PPP1R1C: variants seen among roughly 807,000 people sequenced by gnomAD.
PPP1R1C encodes protein phosphatase 1 regulatory inhibitor subunit 1C.
In PPP1R1C, 15 loss-of-function variants were observed where a neutral mutation model predicts 17.4. The ratio of observed to expected loss-of-function variants is 0.86; its 90% CI spans 0.58 to 1.33. The LOEUF is 1.33. Ranked by LOEUF, PPP1R1C falls within the 40% of genes most tolerant of loss-of-function variation. PPP1R1C has a pLI of 0.00. For synonymous variants in PPP1R1C, 35 were observed against 43.1 expected, an observed-to-expected ratio of 0.81 and a Z score of 0.73; for missense variants, 143 against 130.0, an observed-to-expected ratio of 1.10 and a Z score of -0.48.
chr2:182,076,299 A>G (rs1365502235), intron 4 of PPP1R1C, among the ~76,000 whole-genome samples: 3 of 130,026 alleles, frequency 2.3e-5, no homozygotes, highest in Non-Finnish European at 1.5e-5. Context: ...GGTTCACGCC[A>G]TTCTCCTGCC....
intron 1 of PPP1R1C, among the ~76,000 whole-genome samples, chr2:181,973,052 C>T (rs1177968989): frequency 1.3e-5 from 2 of 152,036 alleles, no homozygotes; most frequent in Admixed American, 1.3e-4. Context: ...TATAACAGTT[C>T]AAAATCTCAA....
intron 4 of PPP1R1C, among the ~76,000 whole-genome samples, chr2:182,082,894 G>A (rs1688521744): frequency 6.6e-6 from 1 of 152,076 alleles, no homozygotes; most frequent in Non-Finnish European, 1.5e-5. Context: ...ACTTGGTGGA[G>A]TCTAATAATA....
At chr2:181,983,409 T>A (rs1043625637), upstream of PPP1R1C, among the ~76,000 whole-genome samples, 23 of 152,202 alleles carry the variant, frequency 1.5e-4, no homozygotes, top group African/African-American at 5.1e-4. Context: ...ATAAAGCACT[T>A]AGAATAATTC....
At chr2:182,022,120 T>A (rs993292994) in intron 2 of PPP1R1C, among the ~76,000 whole-genome samples, 1 of 152,112 alleles carries the variant, frequency 6.6e-6, no homozygotes, top group Non-Finnish European at 1.5e-5. Context: ...AGTGTTTACT[T>A]AACTTGTGCT....
At chr2:182,024,999 T>C (rs924463470) in intron 2 of PPP1R1C, among the ~76,000 whole-genome samples, 12 of 148,992 alleles carry the variant, frequency 8.1e-5, no homozygotes, top group African/African-American at 2.5e-4. Context: ...GGGTGAGGAA[T>C]ATACACTAAA....
intron 1 of PPP1R1C, among the ~76,000 whole-genome samples, chr2:181,972,111 G>A (rs1685021168): frequency 6.6e-6 from 1 of 152,192 alleles, no homozygotes; most frequent in African/African-American, 2.4e-5. Flanking sequence ...TTCTGCCAAG[G>A]GGACAATTGG....
At chr2:181,988,967 T>C (rs1574355632) in intron 2 of PPP1R1C, among the ~76,000 whole-genome samples, 1 of 152,194 alleles carries the variant, frequency 6.6e-6, no homozygotes, top group South Asian at 2.1e-4. Flanking sequence ...TTTTCAAATA[T>C]ATTATCTCAA....
At chr2:182,116,781 G>T (rs765025049) in intron 4 of PPP1R1C, among the ~76,000 whole-genome samples, 4 of 152,110 alleles carry the variant, frequency 2.6e-5, no homozygotes, top group Non-Finnish European at 5.9e-5. Flanking sequence ...TGATTGTTTT[G>T]TTGTTTATAA....
chr2:182,062,902 A>G (rs1375601246), intron 3 of PPP1R1C, among the ~76,000 whole-genome samples: 2 of 152,108 alleles, frequency 1.3e-5, no homozygotes. Flanking sequence ...GCAAAAACTC[A>G]TTGATTAAGA....
chr2:182,104,753 A>G (rs745473481), intron 4 of PPP1R1C, among the ~76,000 whole-genome samples: 1 of 152,148 alleles, frequency 6.6e-6, no homozygotes, highest in Non-Finnish European at 1.5e-5. Context: ...TGGCTTTGGT[A>G]TAAGGTTAAT....
chr2:182,036,052 A>T (rs1446254110), intron 2 of PPP1R1C, among the ~76,000 whole-genome samples: 2 of 152,222 alleles, frequency 1.3e-5, no homozygotes, highest in South Asian at 2.1e-4. Flanking sequence ...GAGCAGCAGA[A>T]GAGAAAACGG....
At chr2:181,989,877 A>T (rs536283596) in intron 2 of PPP1R1C, among the ~76,000 whole-genome samples, 1 of 152,310 alleles carries the variant, frequency 6.6e-6, no homozygotes, top group African/African-American at 2.4e-5. Flanking sequence ...TTGGCTGTGT[A>T]TAGGACTTGG....
At chr2:182,013,309 A>G (rs1312296613) in intron 2 of PPP1R1C, among the ~76,000 whole-genome samples, 2 of 152,074 alleles carry the variant, frequency 1.3e-5, no homozygotes, top group Non-Finnish European at 2.9e-5. Context: ...ATTCTAGGGT[A>G]AAAGTTTGCA....
chr2:182,078,991 A>G (rs1258852713), intron 4 of PPP1R1C, among the ~76,000 whole-genome samples: 1 of 152,242 alleles, frequency 6.6e-6, no homozygotes, highest in Non-Finnish European at 1.5e-5. Context: ...TATTTAAAGA[A>G]GTTAATGTGA....
chr2:182,017,382 A>G (rs966045594), intron 2 of PPP1R1C, among the ~76,000 whole-genome samples: 4 of 152,066 alleles, frequency 2.6e-5, no homozygotes, highest in African/African-American at 9.7e-5. Context: ...TATCACCAGA[A>G]TTTTTTAAAT....
At position 181,961,131 on chromosome 2, in the gene PPP1R1C, T is replaced by C. The variant is rs1684773387; in HGVS notation, n.111+6497T>C. The C allele has an allele frequency of 1.6e-5, 9 of 562,548 alleles. No homozygotes were observed. The highest frequency in any genetic ancestry group is 2.6e-5 in the Non-Finnish European group (8 of 309,300). 34.8% of individuals were successfully genotyped at this position (562,548 alleles called of 1,614,324 possible). On this transcript the variant is annotated intron_variant and non_coding_transcript_variant, in intron 1 of 5. Coordinates refer to the PPP1R1C transcript ENST00000464264. The surrounding 1 kb of genome is among the most constrained non-coding windows in gnomAD (Gnocchi z 5.8). ...AGTTTTCTTGTCTTCCTTCCCTCCC[T>C]TCCTTCCTTCCTTTCACCTCTGAAC...
chr2:182,029,495 A>C (rs1292779999), intron 2 of PPP1R1C, among the ~76,000 whole-genome samples: 12 of 150,152 alleles, frequency 8.0e-5, no homozygotes, highest in Admixed American at 6.6e-4. Context: ...TGGATATGAA[A>C]TTCTGGGTTG....
At chr2:182,097,888 C>T (rs528203754) in intron 4 of PPP1R1C, among the ~76,000 whole-genome samples, 1 of 152,272 alleles carries the variant, frequency 6.6e-6, no homozygotes, top group South Asian at 2.1e-4. Context: ...ATATCAAATA[C>T]TCCAAGGCAA....
chr2:181,959,308 T>C (rs1407600048), intron 1 of PPP1R1C, among the ~76,000 whole-genome samples: 1 of 152,232 alleles, frequency 6.6e-6, no homozygotes, highest in East Asian at 1.9e-4. Flanking sequence ...CCCACACATA[T>C]GCTAAGTGCT....
Sources: allele counts gnomAD v4.1 joint callset (sites outside exome capture counted in the v4.1 genomes callset), GRCh38; gene constraint gnomAD v4.1.1; non-coding constraint Gnocchi (gnomAD v3.1); transcripts MANE v1.5; gene names NCBI Gene and HGNC (gene_info 2026-07-23, HGNC 2026-07-21).